FHIT: variants seen among roughly 807,000 people sequenced by gnomAD.
The protein encoded by FHIT is bis(5'-adenosyl)-triphosphatase.
Under a neutral mutation model 17.9 loss-of-function variants are expected in FHIT, and 19 were observed. The observed-to-expected ratio is 1.06, with a 90% CI of 0.74 to 1.56. FHIT has a LOEUF of 1.56. Ranked by LOEUF, FHIT falls within the 40% of genes most tolerant of loss-of-function variation. The pLI is 0.00. For synonymous variants in FHIT, 81 were observed against 69.7 expected, an observed-to-expected ratio of 1.16 and a Z score of -0.81; for missense variants, 248 against 189.2, an observed-to-expected ratio of 1.31 and a Z score of -1.82.
chr3:60,972,559 T>A (rs1272794651), intron 3 of FHIT, among the ~76,000 whole-genome samples: 5 of 139,914 alleles, frequency 3.6e-5, no homozygotes, highest in Non-Finnish European at 7.6e-5. Context: ...TTTATTTGGC[T>A]TTTTTTTTTT....
intron 3 of FHIT, among the ~76,000 whole-genome samples, chr3:60,861,393 G>T (rs1379893001): frequency 2.0e-5 from 3 of 149,430 alleles, no homozygotes; most frequent in African/African-American, 7.4e-5. Flanking sequence ...AGAATTCTTT[G>T]TTATGGAGGG....
chr3:60,372,336 G>T (rs1438887595), intron 5 of FHIT, among the ~76,000 whole-genome samples: 1 of 152,042 alleles, frequency 6.6e-6, no homozygotes, highest in Non-Finnish European at 1.5e-5. Context: ...CTTTCCTTTG[G>T]AAATTCTTAT....
At chr3:60,397,931 C>T (rs571634356) in intron 5 of FHIT, among the ~76,000 whole-genome samples, 1 of 152,284 alleles carries the variant, frequency 6.6e-6, no homozygotes, top group South Asian at 2.1e-4. Flanking sequence ...GACCAATCAG[C>T]ACACACTCCC....
intron 7 of FHIT, among the ~76,000 whole-genome samples, chr3:60,005,651 A>G (rs1411185399): frequency 1.3e-5 from 2 of 152,244 alleles, no homozygotes; most frequent in Non-Finnish European, 2.9e-5. Context: ...GCAATTATAC[A>G]AGATAAAAGC....
chr3:60,415,038 A>G (rs1702193544), intron 5 of FHIT, among the ~76,000 whole-genome samples: 1 of 152,116 alleles, frequency 6.6e-6, no homozygotes, highest in Non-Finnish European at 1.5e-5. Context: ...AATCAGATGA[A>G]GTGAGGCCCG....
At chr3:59,912,091 A>G (rs202064513) in intron 8 of FHIT, among the ~76,000 whole-genome samples, 3 of 152,248 alleles carry the variant, frequency 2.0e-5, no homozygotes, top group African/African-American at 7.2e-5. Context: ...GTTTCTACAC[A>G]TGATGGAGAT....
intron 3 of FHIT, among the ~76,000 whole-genome samples, chr3:60,961,119 GC>G (rs1709414651): frequency 6.6e-6 from 1 of 152,136 alleles, no homozygotes; most frequent in Non-Finnish European, 1.5e-5. Flanking sequence ...TTTAATGATT[GC>G]CATTCTAAAT....
chr3:61,189,334 T>C (rs368179584), intron 2 of FHIT, among the ~76,000 whole-genome samples: 2 of 152,214 alleles, frequency 1.3e-5, no homozygotes, highest in East Asian at 1.9e-4. Context: ...CCATTCACAA[T>C]TGCTTCAAAG....
intron 5 of FHIT, among the ~76,000 whole-genome samples, chr3:60,180,055 G>A (rs1701857535): frequency 6.6e-6 from 1 of 152,114 alleles, no homozygotes; most frequent in Admixed American, 6.5e-5. Flanking sequence ...TTACACAGCT[G>A]TAACCACACA....
intron 2 of FHIT, among the ~76,000 whole-genome samples, chr3:61,111,299 C>T (rs1049130914): frequency 3.3e-5 from 5 of 152,156 alleles, no homozygotes; most frequent in Non-Finnish European, 7.3e-5. Flanking sequence ...GTGGAAAAGA[C>T]TTGGGATTTG....
intron 5 of FHIT, among the ~76,000 whole-genome samples, chr3:60,272,945 G>A (rs200871243): frequency 2.6e-5 from 4 of 152,190 alleles, no homozygotes; most frequent in East Asian, 1.9e-4. Context: ...TCAAATTAAC[G>A]TATGTCTAAC....
At chr3:60,298,135 A>G (rs903990621) in intron 5 of FHIT, among the ~76,000 whole-genome samples, 3 of 151,932 alleles carry the variant, frequency 2.0e-5, no homozygotes, top group Non-Finnish European at 2.9e-5. Context: ...GCATCATCAC[A>G]CGTTCTGTAA....
intron 5 of FHIT, among the ~76,000 whole-genome samples, chr3:60,112,890 C>A (rs1010580438): frequency 2.6e-5 from 4 of 152,188 alleles, no homozygotes; most frequent in African/African-American, 9.7e-5. Context: ...TTCCTTTACT[C>A]CTTATGGAAC....
intron 5 of FHIT, among the ~76,000 whole-genome samples, chr3:60,354,969 A>C (rs1699583257): frequency 6.6e-6 from 1 of 152,194 alleles, no homozygotes; most frequent in Non-Finnish European, 1.5e-5. Context: ...TTTATGTTTT[A>C]GTTATCAATC....
At chr3:60,623,997 G>A (rs2039208712) in intron 4 of FHIT, among the ~76,000 whole-genome samples, 1 of 152,106 alleles carries the variant, frequency 6.6e-6, no homozygotes, top group Admixed American at 6.5e-5. Context: ...AGATAATTAT[G>A]GCAGAACATG....
intron 5 of FHIT, among the ~76,000 whole-genome samples, chr3:60,408,994 C>A (rs1190962451): frequency 6.6e-6 from 1 of 152,076 alleles, no homozygotes; most frequent in Admixed American, 6.5e-5. Flanking sequence ...GAGTCAGACT[C>A]GGGGGCTCAA....
chr3:61,064,911 A>C (rs939763543), intron 2 of FHIT, among the ~76,000 whole-genome samples: 2 of 152,176 alleles, frequency 1.3e-5, no homozygotes, highest in African/African-American at 4.8e-5. Flanking sequence ...AGCAAAGGTC[A>C]TGGTGTACAT....
chr3:60,476,848 ATTTTTT>A (rs4021917), intron 5 of FHIT, among the ~76,000 whole-genome samples: 1 of 147,046 alleles, frequency 6.8e-6, no homozygotes, highest in African/African-American at 2.5e-5. Flanking sequence ...CCGGGGAAGG[ATTTTTT>A]TTTTTTTTAA....
chr3:60,658,900 C>G (rs1553690341), intron 4 of FHIT, among the ~76,000 whole-genome samples: 1 of 151,542 alleles, frequency 6.6e-6, no homozygotes, highest in Non-Finnish European at 1.5e-5. Flanking sequence ...TTCATTTCAA[C>G]CTGTAGAACT....
Sources: gnomAD v4.1 joint callset for allele counts (sites outside exome capture counted in the v4.1 genomes callset) on GRCh38, gnomAD v4.1.1 for gene constraint, MANE v1.5 for transcripts, NCBI Gene and HGNC (gene_info 2026-07-23, HGNC 2026-07-21) for gene names.